The following APOL4 variants were observed in gnomAD, a reference collection of about 807,000 sequenced individuals.
APOL4 encodes the protein apolipoprotein L4.
In APOL4, 14 loss-of-function variants were observed where a neutral mutation model predicts 12.1. The ratio of observed to expected loss-of-function variants is 1.16; its 90% confidence interval spans 0.76 to 1.81. The LOEUF is 1.81. Ranked by LOEUF, APOL4 falls within the 40% of genes most tolerant of loss-of-function variation. The pLI, the probability that APOL4 is intolerant of heterozygous loss-of-function variation, is 0.00. For synonymous variants in APOL4, 171 were observed against 160.6 expected (o/e 1.06, Z -0.49); for missense variants, 432 against 423.1 (o/e 1.02, Z -0.18).
At chr22:36,199,690 A>G (rs2146946952) in intron 1 of APOL4, 1 of 1,522,442 alleles carries the variant, frequency 6.6e-7, no homozygotes, top group East Asian at 2.5e-5. Flanking sequence ...ATACGCAGAA[A>G]TAGAGATGGG....
At chr22:36,195,168 C>T in intron 3 of APOL4, 143 bp downstream of exon 3, 1 of 1,086,650 alleles carries the variant, frequency 9.2e-7, no homozygotes, top group South Asian at 1.7e-5. Flanking sequence ...AGGAAATATT[C>T]TTCCTGCACT....
At chr22:36,201,932 C>G, upstream of APOL4, 2 of 1,613,214 alleles carry the variant, frequency 1.2e-6, no homozygotes, top group Non-Finnish European at 1.7e-6. Flanking sequence ...AAGCCCTGCC[C>G]AATTGTGCAG....
At position 36,199,209 on chromosome 22, in the gene APOL4, T is replaced by C. The variant is rs949929381; in HGVS notation, c.82+121A>G. On this transcript the variant is annotated intron_variant, in intron 2 of 3. Transcript: ENST00000683024. ...GGGGCAGCCTCATCAGCCACCTCCG[T>C]CTGGGTTCCGTTGGGGCTCACTCAG... 19 of 1,394,646 alleles carry C rather than the reference T, an allele frequency of 1.4e-5. No individual in the cohort carries two copies. The African/African-American group carries it at 2.6e-4, about 19-fold the overall frequency. The allele number at this position is 1,394,646 out of a possible 1,614,324, so 86.4% of individuals were successfully genotyped here.
chr22:36,197,905 C>T, intron 2 of APOL4: 1 of 1,473,048 alleles, frequency 6.8e-7, no homozygotes, highest in Non-Finnish European at 9.0e-7. Context: ...ACCCACCTTT[C>T]ACCCCAGACT....
rs779659399 is a variant in APOL4, at chr22:36,191,174, TG to T, written c.947del (p.Ala316GlufsTer9). Reference sequence around the variant, plus strand: ...TCAGCGACTCAGCAGACTCGGATTTTGCCCCCTTGTGCAAGTCCAGTGAGTC... The same window carrying T: ...TCAGCGACTCAGCAGACTCGGATTTTCCCCCTTGTGCAAGTCCAGTGAGTC... ...VQDSLDLHKG[A>X]KSESAESLRQ... On this transcript the variant is annotated frameshift_variant, in exon 4 of 4. Transcript: ENST00000683024. LOFTEE classifies it low-confidence loss of function (END_TRUNC). The T allele has an allele frequency of 1.2e-6, 2 of 1,613,122 alleles. No individual in the cohort carries two copies. The highest frequency in any genetic ancestry group is 1.3e-5 in the African/African-American group (1 of 75,018).
In APOL4 at chr22:36,190,614, T is replaced by C. The variant is rs898561084; in HGVS notation, c.*461A>G. On this transcript the variant is annotated 3_prime_UTR_variant, in exon 4 of 4. Coordinates refer to ENST00000683024, the MANE Select transcript of APOL4 (RefSeq NM_001386885.1). ...CAGCGATATTTCTCCCATTTGCTTT[T>C]GAAAGAAGAGAAATATGACTCTGTT... The C allele has an allele frequency of 4.4e-5, 7 of 159,020 alleles. No homozygotes were observed. Among genetic ancestry groups the C allele is most frequent in the African/African-American group, 1.4e-4 (6 of 41,506 alleles). 9.9% of individuals were successfully genotyped at this position (159,020 alleles called of 1,614,324 possible).
At chr22:36,192,567 G>T (rs2014290164) in intron 3 of APOL4, among the ~76,000 whole-genome samples, 1 of 152,110 alleles carries the variant, frequency 6.6e-6, no homozygotes, top group South Asian at 2.1e-4. Context: ...AAGAGAAGTG[G>T]GTTCAGAGCA....
rs771883522 is a variant in APOL4 at position 36,201,777 on chromosome 22, G to T, written c.-43C>A. 3.0e-5 allele frequency: 47 copies of T among 1,591,686 alleles called. No homozygotes were observed. The highest frequency in any genetic ancestry group is 1.7e-4 in the Middle Eastern group (1 of 6,044). Reference sequence around the variant, plus strand: ...GGCCTGGCTCAGACGCTGATCTGGGGCCTCTGCTGAATGTTGAGGCTGGAT... The same window carrying T: ...GGCCTGGCTCAGACGCTGATCTGGGTCCTCTGCTGAATGTTGAGGCTGGAT... On this transcript the variant is annotated 5_prime_UTR_variant, in exon 1 of 4. Coordinates refer to ENST00000683024, the MANE Select transcript of APOL4 (RefSeq NM_001386885.1).
intron 1 of APOL4, 131 bp downstream of exon 1, chr22:36,201,569 T>C: frequency 8.3e-7 from 1 of 1,201,022 alleles, no homozygotes; most frequent in Non-Finnish European, 1.1e-6. Context: ...CCCTTCGCCT[T>C]CTTCCTGCTT....
At chr22:36,197,841 A>G (rs997520831) in intron 2 of APOL4, 1 of 1,545,162 alleles carries the variant, frequency 6.5e-7, no homozygotes, top group Admixed American at 2.0e-5. Flanking sequence ...CCTGACAAAC[A>G]GGAAGTGGCC....
intron 2 of APOL4, chr22:36,197,817 T>C: frequency 1.3e-6 from 2 of 1,549,190 alleles, no homozygotes; most frequent in Non-Finnish European, 1.7e-6. Flanking sequence ...GGGGAGGGGA[T>C]GGGCCCAGAG....
chr22:36,204,486 G>A (rs574388949), upstream of APOL4: 27 of 204,346 alleles, frequency 1.3e-4, no homozygotes, highest in South Asian at 4.8e-4. Flanking sequence ...TGCAAATCCC[G>A]GCTCTACCAC....
intron 3 of APOL4, 90 bp from the exon 4 acceptor site, chr22:36,192,002 G>A (rs2014270707): frequency 8.5e-7 from 1 of 1,177,558 alleles, no homozygotes; most frequent in South Asian, 1.6e-5. Context: ...AAATCACAGA[G>A]CTGTTTCTAT....
intron 2 of APOL4, chr22:36,197,571 G>T: frequency 7.0e-7 from 1 of 1,428,704 alleles, no homozygotes; most frequent in Non-Finnish European, 9.2e-7. Flanking sequence ...CAGACCTTCA[G>T]AACAGCTGTA....
In APOL4 at chr22:36,191,633, C is replaced by T; in HGVS notation, c.489G>A (p.Gly163=). The T allele has an allele frequency of 6.2e-7, 1 of 1,613,858 alleles. No individual in the cohort carries two copies. Among genetic ancestry groups the T allele is most frequent in the Non-Finnish European group, 8.5e-7 (1 of 1,179,786 alleles). ...CAGCTGCAGTAATGCTCAGGCTCAG[C>T]CCTGCTGTAAATGGTGCCAACATAA... ...IGVMLAPFTA[G]LSLSITAAGV... The change falls in exon 4 of 4, where the codon GGG becomes GGA. Residue 163 remains glycine, a synonymous_variant. Transcript: ENST00000683024.
chr22:36,200,908 C>A (rs151242002), intron 1 of APOL4, among the ~76,000 whole-genome samples: 1 of 152,300 alleles, frequency 6.6e-6, no homozygotes, highest in Non-Finnish European at 1.5e-5. Flanking sequence ...ACGAAGGTAG[C>A]AGTTGAGATG....
At chr22:36,192,692 T>C (rs1179269886) in intron 3 of APOL4, among the ~76,000 whole-genome samples, 1 of 152,214 alleles carries the variant, frequency 6.6e-6, no homozygotes, top group African/African-American at 2.4e-5. Flanking sequence ...TGGAATGTCC[T>C]GCCTGGTAGG....
rs769106761 is a variant in APOL4 at position 36,195,448 on chromosome 22, A to G, written c.83-11T>C. 1 of 1,612,266 alleles carries G rather than the reference A, an allele frequency of 6.2e-7. No homozygotes were observed. Among genetic ancestry groups the G allele is most frequent in the Admixed American group, 1.7e-5 (1 of 59,808 alleles). On this transcript the variant is annotated splice_polypyrimidine_tract_variant and intron_variant, in intron 2 of 3. Transcript: ENST00000683024. ...TGAAGCGTTTCTTTTCTAGTTGGAAACAAAAAGGATAAGATTGGAAGAAAG... is the reference window on the plus strand; with the variant it reads ...TGAAGCGTTTCTTTTCTAGTTGGAAGCAAAAAGGATAAGATTGGAAGAAAG...
chr22:36,193,558 G>C (rs1287910196), intron 3 of APOL4, among the ~76,000 whole-genome samples: 2 of 152,208 alleles, frequency 1.3e-5, no homozygotes, highest in Non-Finnish European at 2.9e-5. Context: ...ACAGTTATCA[G>C]TGAGTTACGT....
Sources: allele counts gnomAD v4.1 joint callset (sites outside exome capture counted in the v4.1 genomes callset), GRCh38; gene constraint gnomAD v4.1.1; transcripts MANE v1.5; gene names NCBI Gene and HGNC (gene_info 2026-07-23, HGNC 2026-07-21).